XYLT2: variants seen among roughly 807,000 people sequenced by gnomAD.
The protein encoded by XYLT2 is xylosyltransferase 2, also known as UDP-D-xylose:proteoglycan core protein beta-D-xylosyltransferase.
In XYLT2, 37 loss-of-function variants were observed where a neutral mutation model predicts 82.6. The ratio of observed to expected loss-of-function variants is 0.45; its 90% CI spans 0.34 to 0.59. The LOEUF (loss-of-function observed/expected upper bound fraction) is 0.59, where lower values mean the gene tolerates loss of function less well. Among genes scored for constraint, XYLT2 ranks in the 20% least tolerant of loss-of-function variants. The probability of loss-of-function intolerance (pLI) is 0.01; values close to 1 mark genes in which losing one functional copy is unlikely to be tolerated. For synonymous variants in XYLT2, 474 were observed against 499.0 expected, an observed-to-expected ratio of 0.95 and a Z score of 0.67; for missense variants, 934 against 1,181.3, an observed-to-expected ratio of 0.79 and a Z score of 3.07.
rs771962485 is a variant in XYLT2 at position 50,357,082 on chromosome 17, A to G, written c.1771A>G (p.Ser591Gly). The change falls in exon 9 of 11, where the codon AGC (serine) becomes GGC (glycine). Residue 591 changes from serine (S) to glycine (G), a missense_variant. This residue lies in a region of XYLT2 where 374 missense variants were observed against 465.6 expected (regional missense o/e 0.80). Coordinates refer to ENST00000017003, the MANE Select transcript of XYLT2 (RefSeq NM_022167.4). ...CRFEPRGLPSSVHLYFYDDHF... is the reference protein window; with the variant it reads ...CRFEPRGLPSGVHLYFYDDHF... ...GTTTGAGCCCAGGGGCTTGCCGTCC[A>G]GCGTGCACCTGTATTTCTATGACGA... is the stretch of plus-strand genomic sequence containing the variant. 6.2e-7 allele frequency: 1 copy of G among 1,611,474 alleles called. No individual in the cohort carries two copies. The highest frequency in any genetic ancestry group is 2.2e-5 in the East Asian group (1 of 44,860).
At position 50,354,040 on chromosome 17, in the gene XYLT2, G is replaced by A. The variant is rs762930631; in HGVS notation, c.546G>A (p.Gln182=). ...CCCGGGCCAGCACCAAGCAGTGCCA[G>A]CAGGAGATCGCCAATGTGGTGTGCC... ...ALARASTKQC[Q]QEIANVVCLH... Residue 182 remains glutamine, a synonymous_variant, in exon 2 of 11, where the codon CAG becomes CAA. Coordinates refer to ENST00000017003, the MANE Select transcript of XYLT2 (RefSeq NM_022167.4). 2 of 1,608,326 alleles carry A rather than the reference G, an allele frequency of 1.2e-6. No homozygotes were observed. The highest frequency in any genetic ancestry group is 1.3e-5 in the African/African-American group (1 of 75,048).
chr17:50,359,723 A>G, intron 10 of XYLT2: 1 of 524,204 alleles, frequency 1.9e-6, no homozygotes, highest in South Asian at 2.7e-5. Flanking sequence ...CCCTTTTCTA[A>G]AGTGCCTTGA....
At chr17:50,354,297 A>G (rs1912411936) in intron 2 of XYLT2, 111 bp from the exon 3 acceptor site, 1 of 1,489,476 alleles carries the variant, frequency 6.7e-7, no homozygotes, top group Non-Finnish European at 8.9e-7. Context: ...ACCCACGAGC[A>G]TGGAGCTCCA....
chr17:50,360,767 A>G lies in XYLT2; in HGVS notation c.*476A>G, dbSNP rs888701614. On this transcript the variant is annotated 3_prime_UTR_variant, in exon 11 of 11. Transcript: ENST00000017003. The stretch of plus-strand genomic sequence containing the variant: ...CTCACTCTCCAGGGCCTCATGCCCC[A>G]TTCTGGGCCTGTGGTGCTCGTGGCT... 94 of 984,822 alleles carry G rather than the reference A, an allele frequency of 9.5e-5. No individual in the cohort carries two copies. The highest frequency in any genetic ancestry group is 1.1e-4 in the Non-Finnish European group (89 of 829,006). The allele number at this position is 984,822 out of a possible 1,614,324, so 61.0% of individuals were successfully genotyped here.
At chr17:50,348,167 A>C (rs1912115629) in intron 1 of XYLT2, among the ~76,000 whole-genome samples, 1 of 152,238 alleles carries the variant, frequency 6.6e-6, no homozygotes, top group Non-Finnish European at 1.5e-5. Flanking sequence ...ACACTGTGCT[A>C]ATACTGGGGA....
In XYLT2 at chr17:50,355,170, G is replaced by A. The variant is rs183865553; in HGVS notation, c.1007+114G>A. ...CCCCATAAGCGTAACTCTGGGATCC[G>A]CCCTGCTCAGACATGGGCCCCTGGG... On this transcript the variant is annotated intron_variant, in intron 4 of 10. Coordinates refer to ENST00000017003, the MANE Select transcript of XYLT2 (RefSeq NM_022167.4). 3.6e-4 allele frequency: 434 copies of A among 1,197,768 alleles called. 3 individuals carry two copies. The African/African-American group carries it at 5.2e-3, about 14-fold the overall frequency. 74.2% of individuals were successfully genotyped at this position (1,197,768 alleles called of 1,614,324 possible). A position where few individuals can be genotyped will look rare whatever the true frequency, so the allele number is the denominator to read the frequency against.
At chr17:50,355,308 C>G (rs566343013) in intron 4 of XYLT2, among the ~76,000 whole-genome samples, 193 bp from the exon 5 acceptor site, 3 of 152,234 alleles carry the variant, frequency 2.0e-5, no homozygotes, top group African/African-American at 4.8e-5. Context: ...CTGGGTCAGA[C>G]AGCAAGGGGC....
In XYLT2 at chr17:50,358,203, A is replaced by C; in HGVS notation, c.1942-4A>C. 6.3e-7 allele frequency: 1 copy of C among 1,586,294 alleles called. No homozygotes were observed. Among genetic ancestry groups the C allele is most frequent in the Non-Finnish European group, 8.6e-7 (1 of 1,164,288 alleles). ...CTCCTGCCCAGCTGCCTCTCTCTCTACAGGTTGGCACTGATTGGGACCCCA... is the reference window on the plus strand; with the variant it reads ...CTCCTGCCCAGCTGCCTCTCTCTCTCCAGGTTGGCACTGATTGGGACCCCA... On this transcript the variant is annotated splice_region_variant and splice_polypyrimidine_tract_variant and intron_variant, in intron 9 of 10. Transcript: ENST00000017003.
chr17:50,356,646 A>G lies in XYLT2; in HGVS notation c.1618A>G (p.Thr540Ala). The G allele has an allele frequency of 6.2e-7, 1 of 1,614,006 alleles. No individual in the cohort carries two copies. Among genetic ancestry groups the G allele is most frequent in the Non-Finnish European group, 8.5e-7 (1 of 1,179,998 alleles). ...AGCCCTCAAGGCCTACTGGGAGAACACCTACGACGCGGCTGATGGCCCCAG... is the reference window on the plus strand; with the variant it reads ...AGCCCTCAAGGCCTACTGGGAGAACGCCTACGACGCGGCTGATGGCCCCAG... ...TPALKAYWEN[T>A]YDAADGPSGL... The change falls in exon 8 of 11, where the codon ACC becomes GCC. Residue 540 changes from threonine (T) to alanine (A), a missense_variant. Around this residue, in one of 3 missense-constraint regions of XYLT2, gnomAD observed 374 missense variants for 465.6 expected, o/e 0.80. Coordinates refer to ENST00000017003, the MANE Select transcript of XYLT2 (RefSeq NM_022167.4).
rs553141223 is a variant in XYLT2, at chr17:50,355,898, C to T, written c.1206C>T (p.Phe402=). The change falls in exon 6 of 11, where the codon TTC becomes TTT. Residue 402 remains phenylalanine, a synonymous_variant. Coordinates refer to ENST00000017003, the MANE Select transcript of XYLT2 (RefSeq NM_022167.4). ...TGGTGGATGGCGGTTCTGACTGGTT[C>T]GTGCTGACACGCAGCTTTGTGGAGT... is the stretch of plus-strand genomic sequence containing the variant. ...GIVVDGGSDW[F]VLTRSFVEYV... is the part of the protein sequence containing the mutation. 7 of 1,614,226 alleles carry T rather than the reference C, an allele frequency of 4.3e-6. No homozygotes were observed. The highest frequency in any genetic ancestry group is 2.2e-5 in the South Asian group (2 of 91,090).
rs1912791392 is a variant in XYLT2 at position 50,361,106 on chromosome 17, TG to T, written c.*816del. On this transcript the variant is annotated 3_prime_UTR_variant, in exon 11 of 11. Transcript: ENST00000017003. Reference sequence around the variant, plus strand: ...GAGTAATTGTGCCTGAAGCTCAGCGTGAAGTCTGAAATATGCAACAGAAGAA... The same window carrying T: ...GAGTAATTGTGCCTGAAGCTCAGCGTAAGTCTGAAATATGCAACAGAAGAA... The T allele has an allele frequency of 3.0e-6, 3 of 985,800 alleles. No individual in the cohort carries two copies. In the South Asian group the frequency reaches 1.4e-4, roughly 46 times the overall value. 61.1% of individuals were successfully genotyped at this position (985,800 alleles called of 1,614,324 possible).
At chr17:50,356,809 G>A in intron 8 of XYLT2, 36 bp downstream of exon 8, 1 of 1,579,364 alleles carries the variant, frequency 6.3e-7, no homozygotes, top group African/African-American at 1.3e-5. Context: ...AGGCCCTTGG[G>A]GTGTGGTGCC....
intron 1 of XYLT2, among the ~76,000 whole-genome samples, chr17:50,348,779 G>A (rs1231302371): frequency 6.6e-6 from 1 of 152,218 alleles, no homozygotes; most frequent in Non-Finnish European, 1.5e-5. Flanking sequence ...GATTTTAATC[G>A]CCTCCTTGGA....
rs749710337 is a variant in XYLT2 at position 50,356,763 on chromosome 17, C to T, written c.1735C>T (p.Pro579Ser). 20 of 1,602,816 alleles carry T rather than the reference C, an allele frequency of 1.2e-5. No individual in the cohort carries two copies. The South Asian group carries it at 1.8e-4, about 14-fold the overall frequency. ...AATAAPPMGT[P>S]LCRFEPRGLP... Reference sequence around the variant, plus strand: ...CACTGCTGCACCCCCAATGGGCACCCCACTCTGCAGGTGAGACCCCCTTCT... The same window carrying T: ...CACTGCTGCACCCCCAATGGGCACCTCACTCTGCAGGTGAGACCCCCTTCT... The change falls in exon 8 of 11, where the codon CCA becomes TCA. Residue 579 changes from proline to serine, a missense_variant. Pro to Ser is a moderately conservative substitution (Grantham distance 74). Transcript: ENST00000017003.
In XYLT2 at chr17:50,360,958, T is replaced by G; in HGVS notation, c.*667T>G. ...AGGGCTTTCCAGCATACCCTGCCCCTGGATGGGAAAGGCAGGGTCAGGGCC... is the reference window on the plus strand; with the variant it reads ...AGGGCTTTCCAGCATACCCTGCCCCGGGATGGGAAAGGCAGGGTCAGGGCC... On this transcript the variant is annotated 3_prime_UTR_variant, in exon 11 of 11. Transcript: ENST00000017003. 3 of 985,832 alleles carry G rather than the reference T, an allele frequency of 3.0e-6. No homozygotes were observed. Among genetic ancestry groups the G allele is most frequent in the Non-Finnish European group, 3.6e-6 (3 of 829,982 alleles). The allele number at this position is 985,832 out of a possible 1,614,324, so 61.1% of individuals were successfully genotyped here. A position where few individuals can be genotyped will look rare whatever the true frequency, so the allele number is the denominator to read the frequency against.
At chr17:50,359,509 AG>A (rs1912707617) in intron 10 of XYLT2, 1 of 155,664 alleles carries the variant, frequency 6.4e-6, no homozygotes, top group Non-Finnish European at 1.4e-5. Flanking sequence ...CTCCCAGTCA[AG>A]GGAAGAATGG....
Position 50,353,942 on chromosome 17 carries a change from G to GC in XYLT2, c.454dup (p.Gln152ProfsTer69). On this transcript the variant is annotated frameshift_variant, in exon 2 of 11. Transcript: ENST00000017003. LOFTEE classifies it high-confidence loss of function. ...CGGAGATACAGGGAGCGTGGAGGGC[G>GC]CCCCCCAGCCCACGGACAATGGCTT... 2 of 1,606,818 alleles carry GC rather than the reference G, an allele frequency of 1.2e-6. No homozygotes were observed. Among genetic ancestry groups the GC allele is most frequent in the Non-Finnish European group, 8.5e-7 (1 of 1,179,848 alleles).
At chr17:50,350,671 T>TA (rs1912229918) in intron 1 of XYLT2, among the ~76,000 whole-genome samples, 1 of 152,116 alleles carries the variant, frequency 6.6e-6, no homozygotes, top group Non-Finnish European at 1.5e-5. Context: ...TTGGGGAACT[T>TA]ACAATCTTCT....
chr17:50,354,646 A>G, intron 3 of XYLT2, 63 bp downstream of exon 3: 7 of 1,557,924 alleles, frequency 4.5e-6, no homozygotes, highest in Non-Finnish European at 5.2e-6. Context: ...AAGGTTGCAG[A>G]CAGACAGAGT....
Sources: gnomAD v4.1 joint callset for allele counts (sites outside exome capture counted in the v4.1 genomes callset) on GRCh38, gnomAD v4.1.1 for gene constraint, gnomAD v4.1.1 regional missense constraint, MANE v1.5 for transcripts, NCBI Gene and HGNC (gene_info 2026-07-23, HGNC 2026-07-21) for gene names.